The following PSME3IP1 variants were observed in gnomAD, a reference collection of about 807,000 sequenced individuals.
PSME3IP1 encodes the protein PSME3-interacting protein.
A neutral mutation model predicts 34.1 loss-of-function variants in PSME3IP1; 13 were observed. The ratio of observed to expected loss-of-function variants is 0.38; its 90% CI spans 0.25 to 0.61. The LOEUF (loss-of-function observed/expected upper bound fraction) is 0.61. Ranked by LOEUF, PSME3IP1 falls within the 20% of genes least tolerant of loss-of-function variation. PSME3IP1 has a pLI of 0.60. For missense variants in PSME3IP1, 237 were observed against 301.4 expected, an observed-to-expected ratio of 0.79 and a Z score of 1.58; for synonymous variants, 93 against 114.3, an observed-to-expected ratio of 0.81 and a Z score of 1.19.
intron 1 of PSME3IP1, among the ~76,000 whole-genome samples, chr16:57,175,978 C>G (rs1385360827): frequency 1.3e-5 from 2 of 152,180 alleles, no homozygotes; most frequent in Non-Finnish European, 2.9e-5. Flanking sequence ...GTGAAAATTA[C>G]TAGAAAGAAA....
chr16:57,166,975 A>G lies in PSME3IP1; in HGVS notation c.482+118T>C, dbSNP rs2071953613. The G allele has an allele frequency of 5.9e-6, 7 of 1,177,228 alleles. No individual in the cohort carries two copies. The South Asian group carries it at 1.0e-4, about 17-fold the overall frequency. 72.9% of individuals were successfully genotyped at this position (1,177,228 alleles called of 1,614,324 possible). On this transcript the variant is annotated intron_variant, in intron 5 of 6. Coordinates refer to ENST00000309137, the MANE Select transcript of PSME3IP1 (RefSeq NM_024946.4). ...TGGAAAGGGAGAGATAGGTGAGCAC[A>G]CCAAGGGAACTTCACCAGGACTCAC...
At chr16:57,177,150 C>T (rs377148326) in intron 1 of PSME3IP1, among the ~76,000 whole-genome samples, 8 of 152,102 alleles carry the variant, frequency 5.3e-5, no homozygotes, top group South Asian at 4.2e-4. Context: ...CCACTGCACC[C>T]GGCCTATATT....
At chr16:57,156,212 A>T (rs1357249718) in intron 6 of PSME3IP1, among the ~76,000 whole-genome samples, 1 of 152,210 alleles carries the variant, frequency 6.6e-6, no homozygotes, top group African/African-American at 2.4e-5. Flanking sequence ...TAGGGCAGAA[A>T]ATGTGAAACT....
At chr16:57,184,860 T>C (rs2074025134) in intron 1 of PSME3IP1, among the ~76,000 whole-genome samples, 1 of 152,274 alleles carries the variant, frequency 6.6e-6, no homozygotes, top group Non-Finnish European at 1.5e-5. Flanking sequence ...TTCAGATCCT[T>C]ACAAATTGTT....
chr16:57,181,038 G>C (rs1487602383), intron 1 of PSME3IP1, among the ~76,000 whole-genome samples: 3 of 151,880 alleles, frequency 2.0e-5, no homozygotes, highest in Admixed American at 2.0e-4. Context: ...GACCGACCTT[G>C]CCTGGCGAGG....
intron 2 of PSME3IP1, 132 bp from the exon 3 acceptor site, chr16:57,173,006 A>G: frequency 1.6e-6 from 1 of 638,086 alleles, no homozygotes; most frequent in Non-Finnish European, 2.8e-6. Flanking sequence ...GAGGGTGTGG[A>G]TAACACAAAA....
chr16:57,180,875 T>C (rs1176115956), intron 1 of PSME3IP1, among the ~76,000 whole-genome samples: 1 of 152,006 alleles, frequency 6.6e-6, no homozygotes, highest in Non-Finnish European at 1.5e-5. Context: ...GGCAACACAG[T>C]GAGACTCTCT....
intron 1 of PSME3IP1, among the ~76,000 whole-genome samples, chr16:57,180,761 A>G (rs1255803151): frequency 3.9e-5 from 6 of 152,028 alleles, no homozygotes; most frequent in African/African-American, 1.2e-4. Context: ...CAAACAAACA[A>G]ACAGACAAAC....
chr16:57,168,159 T>C (rs2072122809), intron 4 of PSME3IP1, among the ~76,000 whole-genome samples: 2 of 152,192 alleles, frequency 1.3e-5, no homozygotes, highest in African/African-American at 2.4e-5. Context: ...TTATTTAAGA[T>C]GCACTAGTGC....
chr16:57,184,170 T>C (rs1308786168), intron 1 of PSME3IP1, among the ~76,000 whole-genome samples: 3 of 151,628 alleles, frequency 2.0e-5, no homozygotes, highest in Admixed American at 6.6e-5. Context: ...TGAGAATAAA[T>C]TATCCAGAAT....
intron 5 of PSME3IP1, 98 bp from the exon 6 acceptor site, chr16:57,164,163 C>A (rs1403250550): frequency 1.0e-6 from 1 of 1,000,214 alleles, no homozygotes; most frequent in Non-Finnish European, 1.6e-6. Context: ...GGGTCTTAGG[C>A]AGTCTCAAGA....
intron 1 of PSME3IP1, chr16:57,174,854 T>C (rs2073024770): frequency 4.6e-6 from 1 of 215,308 alleles, no homozygotes; most frequent in South Asian, 1.6e-4. Context: ...CCATTTAAGA[T>C]TTGAACTTCA....
At chr16:57,159,503 G>T (rs933077883) in intron 6 of PSME3IP1, among the ~76,000 whole-genome samples, 2 of 152,192 alleles carry the variant, frequency 1.3e-5, no homozygotes, top group Non-Finnish European at 2.9e-5. Context: ...CAGTGCTTAA[G>T]TTCAAAATCT....
chr16:57,160,469 G>T (rs1255804156), intron 6 of PSME3IP1, among the ~76,000 whole-genome samples: 1 of 152,060 alleles, frequency 6.6e-6, no homozygotes, highest in East Asian at 1.9e-4. Flanking sequence ...TATTTGAAGG[G>T]CAATTTGGCA....
chr16:57,179,751 G>C (rs1269019548), intron 1 of PSME3IP1, among the ~76,000 whole-genome samples: 1 of 152,110 alleles, frequency 6.6e-6, no homozygotes, highest in Non-Finnish European at 1.5e-5. Flanking sequence ...TTGTTTTAAG[G>C]CTTCACTTTC....
intron 1 of PSME3IP1, among the ~76,000 whole-genome samples, chr16:57,175,985 G>T (rs1399594207): frequency 1.3e-5 from 2 of 152,180 alleles, no homozygotes; most frequent in African/African-American, 4.8e-5. Flanking sequence ...TTACTAGAAA[G>T]AAATGAAATC....
chr16:57,168,746 T>C (rs2072202285), intron 4 of PSME3IP1, among the ~76,000 whole-genome samples: 1 of 133,358 alleles, frequency 7.5e-6, no homozygotes, highest in Non-Finnish European at 1.5e-5. Flanking sequence ...GAGATTGTGG[T>C]GAGCTGAGAT....
intron 4 of PSME3IP1, 97 bp downstream of exon 4, chr16:57,172,154 G>C (rs2145798803): frequency 7.6e-7 from 1 of 1,316,758 alleles, no homozygotes; most frequent in Middle Eastern, 2.7e-4. Flanking sequence ...AGATCACCAG[G>C]TAGAAAACCC....
chr16:57,160,825 T>C (rs2071144049), intron 6 of PSME3IP1, among the ~76,000 whole-genome samples: 1 of 152,232 alleles, frequency 6.6e-6, no homozygotes, highest in Non-Finnish European at 1.5e-5. Flanking sequence ...GAAAACAGTA[T>C]ATAATGTATT....
Sources: allele counts gnomAD v4.1 joint callset (sites outside exome capture counted in the v4.1 genomes callset), GRCh38; gene constraint gnomAD v4.1.1; transcripts MANE v1.5; gene names NCBI Gene and HGNC (gene_info 2026-07-23, HGNC 2026-07-21).